RHPN2: variants seen among roughly 807,000 people sequenced by gnomAD.
RHPN2 encodes the protein rhophilin Rho GTPase binding protein 2.
RHPN2 carries 40 observed loss-of-function variants against 79.0 expected under a neutral mutation model. That is an observed-to-expected ratio of 0.51 (90% CI 0.39 to 0.66). The LOEUF (loss-of-function observed/expected upper bound fraction) is 0.66, where lower values mean the gene tolerates loss of function less well. RHPN2 is among the 30% of genes least tolerant of loss of function. The probability of loss-of-function intolerance (pLI) is 0.00; values close to 1 mark genes in which losing one functional copy is unlikely to be tolerated. For synonymous variants in RHPN2, 285 were observed against 363.5 expected, an observed-to-expected ratio of 0.78 and a Z score of 2.46; for missense variants, 686 against 883.5, an observed-to-expected ratio of 0.78 and a Z score of 2.83.
At position 32,999,708 on chromosome 19, in the gene RHPN2, G is replaced by A. The variant is rs547986365; in HGVS notation, c.1106-3C>T. 1.9e-6 allele frequency: 3 copies of A among 1,611,424 alleles called. No homozygotes were observed. Among genetic ancestry groups the A allele is most frequent in the South Asian group, 1.1e-5 (1 of 90,894 alleles). On this transcript the variant is annotated splice_polypyrimidine_tract_variant and splice_region_variant and intron_variant, in intron 9 of 14. Coordinates refer to ENST00000254260, the MANE Select transcript of RHPN2 (RefSeq NM_033103.5). Reference sequence around the variant, plus strand: ...GTCCAGATCCGTGCCTGGCTTCACTGCAAAGAGAACCACAGGTTAAATCCC... The same window carrying A: ...GTCCAGATCCGTGCCTGGCTTCACTACAAAGAGAACCACAGGTTAAATCCC...
At chr19:32,983,055 TACACACACACACACACAC>T (rs57230466) in intron 14 of RHPN2, among the ~76,000 whole-genome samples, 1 of 103,436 alleles carries the variant, frequency 9.7e-6, no homozygotes, top group Non-Finnish European at 1.9e-5. Context: ...CCCAGATCTC[TACACACACACACACACAC>T]ACACACACAC....
At chr19:33,052,895 G>C (rs1045369133) in intron 1 of RHPN2, among the ~76,000 whole-genome samples, 1 of 152,120 alleles carries the variant, frequency 6.6e-6, no homozygotes, top group Non-Finnish European at 1.5e-5. Context: ...TTAGTTACGA[G>C]CTCCCTTCAG....
intron 4 of RHPN2, among the ~76,000 whole-genome samples, chr19:33,018,611 T>C (rs1442556861): frequency 6.6e-6 from 1 of 152,106 alleles, no homozygotes; most frequent in Non-Finnish European, 1.5e-5. Context: ...CCAACTTCCC[T>C]TCTCCAATTC....
intron 2 of RHPN2, among the ~76,000 whole-genome samples, chr19:33,034,009 C>T (rs1972033588): frequency 7.7e-6 from 1 of 130,354 alleles, no homozygotes; most frequent in Admixed American, 7.4e-5. Flanking sequence ...TCTCCCCCCT[C>T]CCATCTTGGC....
chr19:33,021,688 G>A (rs377466758), intron 3 of RHPN2, 42 bp from the exon 4 acceptor site: 31 of 1,502,768 alleles, frequency 2.1e-5, no homozygotes, highest in South Asian at 4.5e-5. Context: ...ACCCCCAACC[G>A]GACCCCTGTG....
intron 2 of RHPN2, among the ~76,000 whole-genome samples, chr19:33,038,000 T>A (rs963006785): frequency 5.9e-5 from 9 of 152,062 alleles, no homozygotes; most frequent in Non-Finnish European, 1.2e-4. Flanking sequence ...CCCTGGAGTT[T>A]GAGACCAGCC....
chr19:33,023,437 GA>G (rs751212140), intron 3 of RHPN2, among the ~76,000 whole-genome samples: 175 of 77,736 alleles, frequency 2.3e-3, no homozygotes, highest in East Asian at 4.1e-3. Context: ...TCCATCTCAG[GA>G]AAAAAAAAAA....
At chr19:33,038,037 T>C (rs1474728117) in intron 2 of RHPN2, among the ~76,000 whole-genome samples, 1 of 152,006 alleles carries the variant, frequency 6.6e-6, no homozygotes, top group Non-Finnish European at 1.5e-5. Context: ...ACCCAGTCTC[T>C]ACAAAAAAAT....
At chr19:33,010,871 T>C (rs944793697) in intron 6 of RHPN2, among the ~76,000 whole-genome samples, 1 of 151,658 alleles carries the variant, frequency 6.6e-6, no homozygotes, top group African/African-American at 2.4e-5. Context: ...TTTGTAGATA[T>C]GGGGTTTTGC....
chr19:33,003,095 A>G, intron 7 of RHPN2, 95 bp from the exon 8 acceptor site: 1 of 1,122,436 alleles, frequency 8.9e-7, no homozygotes, highest in Non-Finnish European at 1.3e-6. Flanking sequence ...GCGGTGGCTC[A>G]TGCCCATAAT....
At chr19:33,012,555 C>T (rs991905236) in intron 5 of RHPN2, 92 bp downstream of exon 5, 10 of 841,954 alleles carry the variant, frequency 1.2e-5, no homozygotes, top group African/African-American at 5.0e-5. Flanking sequence ...TATCCACCCG[C>T]GATTCTGTTA....
intron 5 of RHPN2, among the ~76,000 whole-genome samples, chr19:33,012,236 T>C (rs947297305): frequency 6.6e-6 from 1 of 152,058 alleles, no homozygotes; most frequent in African/African-American, 2.4e-5. Flanking sequence ...GAAACAGGGT[T>C]TTGCCATGTT....
intron 14 of RHPN2, among the ~76,000 whole-genome samples, chr19:32,985,507 C>T (rs187920490): frequency 4.2e-4 from 64 of 152,262 alleles, no homozygotes; most frequent in African/African-American, 1.4e-3. Context: ...TATGGTGTTC[C>T]ATGCCTGTAG....
At chr19:33,064,756 C>A in intron 1 of RHPN2, 28 bp downstream of exon 1, 2 of 549,378 alleles carry the variant, frequency 3.6e-6, no homozygotes, top group South Asian at 1.6e-5. Flanking sequence ...GCCCGCAGGT[C>A]CCCGCCCGCC....
chr19:32,986,892 T>C (rs1186405472), intron 14 of RHPN2, among the ~76,000 whole-genome samples: 1 of 151,946 alleles, frequency 6.6e-6, no homozygotes, highest in Non-Finnish European at 1.5e-5. Context: ...ATTTTTATTT[T>C]TGAGACAGGG....
intron 1 of RHPN2, among the ~76,000 whole-genome samples, chr19:33,054,136 C>T (rs12462348): frequency 0.15 from 23,014 of 151,094 alleles, 1,926 homozygotes; most frequent in East Asian, 0.35. Context: ...GTGCTGGGAT[C>T]ATAGGTGTGA....
At chr19:33,026,771 C>A in intron 2 of RHPN2, 139 bp from the exon 3 acceptor site, 1 of 966,056 alleles carries the variant, frequency 1.0e-6, no homozygotes, top group South Asian at 1.3e-5. Flanking sequence ...GTTAAGGTAT[C>A]CCAGGGACAC....
At position 32,979,402 on chromosome 19, in the gene RHPN2, T is replaced by C. The variant is rs1237598479; in HGVS notation, c.*594A>G. 1 of 153,202 alleles carries C rather than the reference T, an allele frequency of 6.5e-6. No individual in the cohort carries two copies. Among genetic ancestry groups the C allele is most frequent in the East Asian group, 1.9e-4 (1 of 5,208 alleles). 9.5% of individuals were successfully genotyped at this position (153,202 alleles called of 1,614,324 possible). A position where few individuals can be genotyped will look rare whatever the true frequency, so the allele number is the denominator to read the frequency against. ...ACTAGAAGAAAAGCTGCTCCTACAT[T>C]GTTTTTATTTAATAAGACAAATTTG... On this transcript the variant is annotated 3_prime_UTR_variant, in exon 15 of 15. Transcript: ENST00000254260.
At chr19:33,019,622 G>A (rs1450347218) in intron 4 of RHPN2, among the ~76,000 whole-genome samples, 1 of 151,960 alleles carries the variant, frequency 6.6e-6, no homozygotes, top group Non-Finnish European at 1.5e-5. Flanking sequence ...CAATTAGCCA[G>A]GCACGGTGGC....
Sources: allele counts gnomAD v4.1 joint callset (sites outside exome capture counted in the v4.1 genomes callset), GRCh38; gene constraint gnomAD v4.1.1; transcripts MANE v1.5; gene names NCBI Gene and HGNC (gene_info 2026-07-23, HGNC 2026-07-21).